The following TMEFF2 variants were observed in gnomAD, a reference collection of about 807,000 sequenced individuals.
TMEFF2 encodes transmembrane protein with EGF like and two follistatin like domains 2.
A neutral mutation model predicts 53.8 loss-of-function variants in TMEFF2; 28 were observed. The ratio of observed to expected loss-of-function variants is 0.52; its 90% CI spans 0.39 to 0.71. The LOEUF is 0.71. TMEFF2 is among the 30% of genes least tolerant of loss of function. The pLI is 0.00. For synonymous variants in TMEFF2, 162 were observed against 166.3 expected, an observed-to-expected ratio of 0.97 and a Z score of 0.20; for missense variants, 353 against 455.2, an observed-to-expected ratio of 0.78 and a Z score of 2.04.
intron 4 of TMEFF2, among the ~76,000 whole-genome samples, chr2:192,070,150 C>T (rs1465103825): frequency 1.3e-5 from 2 of 150,866 alleles, no homozygotes; most frequent in African/African-American, 4.9e-5. Context: ...GGACATTATA[C>T]AAAATATTGA....
At chr2:192,075,285 T>TTATATATATATAAATATA in intron 4 of TMEFF2, among the ~76,000 whole-genome samples, 2 of 65,760 alleles carry the variant, frequency 3.0e-5, no homozygotes, top group East Asian at 4.3e-3. Context: ...TACAGTACTA[T>TTATATATATATAAATATA]TATATATATA....
chr2:192,003,742 C>CACACAA (rs1159815585), intron 5 of TMEFF2, among the ~76,000 whole-genome samples: 1 of 152,160 alleles, frequency 6.6e-6, no homozygotes, highest in East Asian at 1.9e-4. Flanking sequence ...AATACACATA[C>CACACAA]ACACAAACAC....
intron 4 of TMEFF2, among the ~76,000 whole-genome samples, chr2:192,123,143 C>T (rs1331873591): frequency 6.6e-6 from 1 of 152,132 alleles, no homozygotes; most frequent in Non-Finnish European, 1.5e-5. Flanking sequence ...AGTTGTAGTT[C>T]ATTCTTGATG....
In TMEFF2 at chr2:191,972,414, C is replaced by T. The variant is rs868475184; in HGVS notation, c.746-16036G>A. 2.0e-5 allele frequency among the ~76,000 whole-genome samples: 3 copies of T among 149,488 alleles called. No individual in the cohort carries two copies. In the East Asian group the frequency reaches 5.9e-4, roughly 29 times the overall value. ...CTGACCTCAGGTGATCTGCCCACCTCGGCCTCCCAAAGGGTTGGGATTACA... is the reference window on the plus strand; with the variant it reads ...CTGACCTCAGGTGATCTGCCCACCTTGGCCTCCCAAAGGGTTGGGATTACA... On this transcript the variant is annotated intron_variant, in intron 7 of 9. Transcript: ENST00000272771.
Position 192,166,523 on chromosome 2 carries a change from GA to G in TMEFF2, c.439+13144del, listed in dbSNP as rs1690772257. Reference sequence around the variant, plus strand: ...GGTACATATTTGTAAAAGATATTGAGAAAGGAGAAATATTTCAAAGTGATAA... The same window carrying G: ...GGTACATATTTGTAAAAGATATTGAGAAGGAGAAATATTTCAAAGTGATAA... On this transcript the variant is annotated intron_variant, in intron 4 of 9. Transcript: ENST00000272771. Among the ~76,000 whole-genome samples the G allele has an allele frequency of 2.0e-5, 3 of 152,212 alleles. No individual in the cohort carries two copies. In the South Asian group the frequency reaches 6.2e-4, roughly 32 times the overall value.
intron 4 of TMEFF2, among the ~76,000 whole-genome samples, chr2:192,104,540 G>A (rs555017825): frequency 6.6e-6 from 1 of 152,142 alleles, no homozygotes; most frequent in East Asian, 1.9e-4. Flanking sequence ...AAAATAGAAA[G>A]TGGTTACTGG....
chr2:191,954,293 C>T (rs757498483), intron 8 of TMEFF2, among the ~76,000 whole-genome samples: 4 of 152,060 alleles, frequency 2.6e-5, no homozygotes, highest in Non-Finnish European at 4.4e-5. Flanking sequence ...TGGCTCTCAA[C>T]TACTTATTTT....
intron 4 of TMEFF2, among the ~76,000 whole-genome samples, chr2:192,147,293 A>G (rs996933397): frequency 1.3e-5 from 2 of 151,940 alleles, no homozygotes; most frequent in African/African-American, 4.8e-5. Flanking sequence ...TTATAATGAT[A>G]AACAATACAC....
chr2:192,155,744 G>A (rs1485127552), intron 4 of TMEFF2, among the ~76,000 whole-genome samples: 1 of 152,138 alleles, frequency 6.6e-6, no homozygotes, highest in African/African-American at 2.4e-5. Flanking sequence ...ACAACAAAGA[G>A]AACTGCCAAG....
At chr2:192,161,113 C>T (rs1440281626) in intron 4 of TMEFF2, among the ~76,000 whole-genome samples, 1 of 152,010 alleles carries the variant, frequency 6.6e-6, no homozygotes, top group Non-Finnish European at 1.5e-5. Flanking sequence ...TCCCCTTGCC[C>T]CCTCCCGTTT....
chr2:192,165,698 G>C (rs1690747471), intron 4 of TMEFF2, among the ~76,000 whole-genome samples: 1 of 151,370 alleles, frequency 6.6e-6, no homozygotes, highest in African/African-American at 2.4e-5. Context: ...CCAGGGAACA[G>C]TAGGCAACTA....
chr2:192,187,658 T>C (rs1691347710), intron 2 of TMEFF2, among the ~76,000 whole-genome samples: 1 of 152,188 alleles, frequency 6.6e-6, no homozygotes, highest in Non-Finnish European at 1.5e-5. Context: ...CATAAACGTA[T>C]GTGTTGTACA....
intron 4 of TMEFF2, among the ~76,000 whole-genome samples, chr2:192,077,635 TGAG>T (rs1382296236): frequency 1.3e-5 from 2 of 152,050 alleles, no homozygotes; most frequent in Non-Finnish European, 2.9e-5. Flanking sequence ...CAAGCAATAA[TGAG>T]GCCAGGAATG....
At chr2:192,127,064 AATGAG>A (rs1689695164) in intron 4 of TMEFF2, among the ~76,000 whole-genome samples, 1 of 152,228 alleles carries the variant, frequency 6.6e-6, no homozygotes, top group African/African-American at 2.4e-5. Flanking sequence ...TAAGTACATG[AATGAG>A]ATTATTAGTG....
chr2:192,042,252 A>T (rs919100327), intron 5 of TMEFF2, among the ~76,000 whole-genome samples: 1 of 152,190 alleles, frequency 6.6e-6, no homozygotes, highest in East Asian at 1.9e-4. Flanking sequence ...TATTTGAGAA[A>T]GTTTGAAATA....
At chr2:192,158,737 G>A (rs181144003) in intron 4 of TMEFF2, among the ~76,000 whole-genome samples, 1 of 152,136 alleles carries the variant, frequency 6.6e-6, no homozygotes, top group Non-Finnish European at 1.5e-5. Context: ...AACAACCACA[G>A]CAACTCACAG....
At chr2:191,992,213 G>A (rs1187404140) in intron 7 of TMEFF2, among the ~76,000 whole-genome samples, 3 of 152,190 alleles carry the variant, frequency 2.0e-5, no homozygotes, top group South Asian at 4.1e-4. Flanking sequence ...GCTGCTGCCT[G>A]CATTTGCTGC....
chr2:191,999,811 A>G (rs1686312998), intron 5 of TMEFF2, among the ~76,000 whole-genome samples: 2 of 152,012 alleles, frequency 1.3e-5, no homozygotes, highest in Admixed American at 1.3e-4. Context: ...ATCTCTCCCC[A>G]GAAATATCCA....
intron 7 of TMEFF2, among the ~76,000 whole-genome samples, chr2:191,986,598 G>A (rs547800064): frequency 4.1e-5 from 6 of 146,650 alleles, no homozygotes; most frequent in African/African-American, 1.0e-4. Flanking sequence ...GGTAGCTCAC[G>A]CCTGTAATCC....
Sources: allele counts gnomAD v4.1 joint callset (sites outside exome capture counted in the v4.1 genomes callset), GRCh38; gene constraint gnomAD v4.1.1; transcripts MANE v1.5; gene names NCBI Gene and HGNC (gene_info 2026-07-23, HGNC 2026-07-21).